FAF1: variants seen among roughly 807,000 people sequenced by gnomAD.
FAF1 encodes FAS-associated factor 1.
Under a neutral mutation model 92.5 loss-of-function variants are expected in FAF1, and 25 were observed. The ratio of observed to expected loss-of-function variants is 0.27; its 90% CI spans 0.20 to 0.38. The LOEUF is 0.38. FAF1 is among the 10% of genes least tolerant of loss of function. FAF1 has a pLI of 1.00. For synonymous variants in FAF1, 234 were observed against 273.2 expected (o/e 0.86, Z 1.42); for missense variants, 636 against 793.3 (o/e 0.80, Z 2.38).
At chr1:50,849,093 C>T (rs776621994) in intron 2 of FAF1, among the ~76,000 whole-genome samples, 1 of 151,900 alleles carries the variant, frequency 6.6e-6, no homozygotes, top group Non-Finnish European at 1.5e-5. Context: ...CCCGCCTCTA[C>T]TAAAAATACA....
At chr1:50,694,018 A>G (rs76268687) in intron 7 of FAF1, among the ~76,000 whole-genome samples, 29 of 151,996 alleles carry the variant, frequency 1.9e-4, no homozygotes, top group East Asian at 7.7e-4. Flanking sequence ...TACATGACAT[A>G]TATGACATAT....
At chr1:50,774,275 T>A (rs745994906) in intron 4 of FAF1, among the ~76,000 whole-genome samples, 2 of 152,190 alleles carry the variant, frequency 1.3e-5, no homozygotes, top group Non-Finnish European at 2.9e-5. Context: ...TTTTCACATG[T>A]ACTAATAACA....
intron 18 of FAF1, among the ~76,000 whole-genome samples, chr1:50,446,855 G>A (rs767405160): frequency 2.7e-4 from 41 of 151,858 alleles, no homozygotes; most frequent in African/African-American, 8.7e-4. Flanking sequence ...AATGCATTGC[G>A]GTAGTACTTG....
chr1:50,689,579 G>A (rs563513305), intron 7 of FAF1, among the ~76,000 whole-genome samples: 33 of 151,972 alleles, frequency 2.2e-4, no homozygotes, highest in Admixed American at 4.6e-4. Context: ...GCGAGACTCC[G>A]TCTGAAAAAA....
intron 4 of FAF1, among the ~76,000 whole-genome samples, chr1:50,768,182 G>A (rs1254521564): frequency 1.3e-5 from 2 of 151,874 alleles, no homozygotes; most frequent in Admixed American, 1.3e-4. Context: ...AAACCAAAAA[G>A]ATTAAAAAAA....
At chr1:50,931,898 A>G (rs1265645859) in intron 1 of FAF1, among the ~76,000 whole-genome samples, 2 of 134,932 alleles carry the variant, frequency 1.5e-5, no homozygotes, top group Admixed American at 7.1e-5. Context: ...AAATAATAAT[A>G]ATAATAATAA....
In FAF1 at chr1:50,960,136, C is replaced by A. The variant is rs1053954647; in HGVS notation, c.-325G>T. ...AGGATGAGGGCAGGTTGCGACAGCG[C>A]GCACCCGGATACCTTCAGCGGCGTT... On this transcript the variant is annotated 5_prime_UTR_variant, in exon 1 of 19. Transcript: ENST00000396153. The A allele has an allele frequency of 8.2e-5, 30 of 365,042 alleles. No individual in the cohort carries two copies. The highest frequency in any genetic ancestry group is 6.3e-4 in the African/African-American group (30 of 47,418). 22.6% of individuals were successfully genotyped at this position (365,042 alleles called of 1,614,324 possible). A position where few individuals can be genotyped will look rare whatever the true frequency, so the allele number is the denominator to read the frequency against.
chr1:50,786,100 C>G (rs1402496410), intron 4 of FAF1, among the ~76,000 whole-genome samples: 1 of 151,818 alleles, frequency 6.6e-6, no homozygotes, highest in Admixed American at 6.6e-5. Context: ...CCACTGCACT[C>G]CAGCCTGGGT....
chr1:50,624,997 G>C (rs1203428190), intron 8 of FAF1, among the ~76,000 whole-genome samples: 1 of 150,834 alleles, frequency 6.6e-6, no homozygotes, highest in East Asian at 1.9e-4. Context: ...CGCCTCCCAG[G>C]TTCAAGAGAT....
chr1:50,917,090 G>A (rs963058948), intron 1 of FAF1, among the ~76,000 whole-genome samples: 2 of 152,158 alleles, frequency 1.3e-5, no homozygotes, highest in Non-Finnish European at 2.9e-5. Flanking sequence ...AAAGATGATG[G>A]CTTATGCTTG....
At chr1:50,466,775 C>T (rs1048128753) in intron 18 of FAF1, among the ~76,000 whole-genome samples, 10 of 152,296 alleles carry the variant, frequency 6.6e-5, no homozygotes, top group South Asian at 2.1e-4. Flanking sequence ...CCCAAACCCC[C>T]TTCAGCCTTT....
intron 13 of FAF1, among the ~76,000 whole-genome samples, chr1:50,555,243 C>G (rs1467738478): frequency 6.7e-6 from 1 of 149,288 alleles, no homozygotes; most frequent in Non-Finnish European, 1.5e-5. Flanking sequence ...ACACCAGGAC[C>G]CTGACACACA....
chr1:50,545,982 A>G (rs1648996868), intron 13 of FAF1, among the ~76,000 whole-genome samples: 1 of 152,238 alleles, frequency 6.6e-6, no homozygotes, highest in Non-Finnish European at 1.5e-5. Context: ...AACCTGGATA[A>G]CAAAGTGAGA....
At chr1:50,511,402 C>T (rs999439352) in intron 15 of FAF1, among the ~76,000 whole-genome samples, 23 of 152,082 alleles carry the variant, frequency 1.5e-4, no homozygotes, top group Non-Finnish European at 3.1e-4. Flanking sequence ...CCTAACCCCC[C>T]ACCCAACCCA....
chr1:50,733,187 T>C (rs1221880463), intron 6 of FAF1, among the ~76,000 whole-genome samples: 10 of 152,216 alleles, frequency 6.6e-5, no homozygotes, highest in Non-Finnish European at 1.5e-4. Flanking sequence ...CTGTCACTTA[T>C]CAGTTTAGCT....
chr1:50,595,495 G>A (rs1025255004), intron 9 of FAF1, among the ~76,000 whole-genome samples: 3 of 152,106 alleles, frequency 2.0e-5, no homozygotes, highest in Non-Finnish European at 4.4e-5. Flanking sequence ...GACTTCCGGG[G>A]TCAATCCTAA....
chr1:50,907,285 T>C (rs971856796), intron 1 of FAF1, among the ~76,000 whole-genome samples: 1 of 152,242 alleles, frequency 6.6e-6, no homozygotes, highest in Non-Finnish European at 1.5e-5. Context: ...GCTTTGCCAG[T>C]ATTTTATTGA....
intron 2 of FAF1, among the ~76,000 whole-genome samples, chr1:50,849,425 A>G (rs1458657463): frequency 6.6e-6 from 1 of 152,124 alleles, no homozygotes; most frequent in Non-Finnish European, 1.5e-5. Context: ...ATTTTTAGAT[A>G]TCCTTGCATT....
chr1:50,521,188 A>AT (rs1358485377), intron 15 of FAF1, among the ~76,000 whole-genome samples: 3 of 152,190 alleles, frequency 2.0e-5, no homozygotes, highest in Admixed American at 2.0e-4. Context: ...AACTCACACT[A>AT]TTTTTTTAAT....
Sources: allele counts gnomAD v4.1 joint callset (sites outside exome capture counted in the v4.1 genomes callset), GRCh38; gene constraint gnomAD v4.1.1; transcripts MANE v1.5; gene names NCBI Gene and HGNC (gene_info 2026-07-23, HGNC 2026-07-21).